Variants in BRI3 observed in about 807,000 individuals in gnomAD.
BRI3 encodes brain protein I3, also known as membrane protein BRI3.
Under a neutral mutation model 12.8 loss-of-function variants are expected in BRI3, and 6 were observed. The observed-to-expected ratio is 0.47, with a 90% CI of 0.26 to 0.93. The LOEUF (loss-of-function observed/expected upper bound fraction) is 0.93. Ranked by LOEUF, BRI3 falls within the 40% of genes least tolerant of loss-of-function variation. BRI3 has a pLI of 0.15. For missense variants in BRI3, 134 were observed against 171.1 expected, an observed-to-expected ratio of 0.78 and a Z score of 1.21; for synonymous variants, 91 against 76.1, an observed-to-expected ratio of 1.20 and a Z score of -1.02.
At chr7:98,282,057 C>G in intron 1 of BRI3, 120 bp downstream of exon 1, 1 of 1,294,096 alleles carries the variant, frequency 7.7e-7, no homozygotes. Context: ...TGGAGGTCCC[C>G]GGGCTGGCTT....
chr7:98,310,741 CAGT>C (rs927847217), downstream of BRI3: 147 of 610,006 alleles, frequency 2.4e-4, no homozygotes, highest in Non-Finnish European at 3.4e-4. Flanking sequence ...GGCTGGAGTA[CAGT>C]GGCACGATCT....
At chr7:98,317,337 T>C in the BRI3 span, 15 of 1,613,992 alleles carry the variant, frequency 9.3e-6, no homozygotes, top group Admixed American at 1.3e-4. Context: ...GTGTTCTGTT[T>C]GGTATCTTTT....
the BRI3 span, among the ~76,000 whole-genome samples, chr7:98,316,927 A>C: frequency 6.6e-6 from 1 of 151,538 alleles, no homozygotes; most frequent in Non-Finnish European, 1.5e-5. Context: ...GCAGTGGCAT[A>C]ATCTCGGCTC....
At chr7:98,309,808 A>G (rs1258802909) in exon 2 of BRI3, 1 of 153,004 alleles carries the variant, frequency 6.5e-6, no homozygotes, top group South Asian at 2.1e-4. Flanking sequence ...ACTGTGCAGA[A>G]GGACGGGGTC....
At chr7:98,303,379 TC>T (rs140030960), upstream of BRI3, among the ~76,000 whole-genome samples, 308 of 152,186 alleles carry the variant, frequency 2.0e-3, 9 homozygotes, top group East Asian at 0.054. Context: ...CCCAGCCTCC[TC>T]CCCTTCACCC....
At chr7:98,317,938 C>A in the BRI3 span, among the ~76,000 whole-genome samples, 1 of 147,792 alleles carries the variant, frequency 6.8e-6, no homozygotes, top group African/African-American at 2.4e-5. Flanking sequence ...CATCCTCACA[C>A]TGGCCGGGGC....
Position 98,281,752 on chromosome 7 carries a change from A to G in BRI3, c.-44A>G, listed in dbSNP as rs1369738282. The stretch of plus-strand genomic sequence containing the variant: ...GCCGCCGCGTCCCCCGCCGGGGCCG[A>G]CCGAGCCGAGCCGGGCCGGAGCGGC... On this transcript the variant is annotated 5_prime_UTR_variant, in exon 1 of 3. Coordinates refer to ENST00000297290, the MANE Select transcript of BRI3 (RefSeq NM_015379.5). 12 of 974,050 alleles carry G rather than the reference A, an allele frequency of 1.2e-5. No homozygotes were observed. The East Asian group carries it at 7.1e-4, about 58-fold the overall frequency. 60.3% of individuals were successfully genotyped at this position (974,050 alleles called of 1,614,324 possible).
chr7:98,291,226 G>A lies in BRI3; in HGVS notation c.361G>A (p.Gly121Arg). 1 of 1,613,356 alleles carries A rather than the reference G, an allele frequency of 6.2e-7. No individual in the cohort carries two copies. Among genetic ancestry groups the A allele is most frequent in the Non-Finnish European group, 8.5e-7 (1 of 1,180,034 alleles). The change falls in exon 3 of 3, where the codon GGA becomes AGA. Residue 121 changes from glycine to arginine, a missense_variant. Gly to Arg is a moderately radical substitution (Grantham distance 125, BLOSUM62 -2). Coordinates refer to ENST00000297290, the MANE Select transcript of BRI3 (RefSeq NM_015379.5). ...ALRKRRCPNCGATFA is the reference protein window; with the variant it reads ...ALRKRRCPNCRATFA Reference sequence around the variant, plus strand: ...GAGGAAGCGACGATGCCCCAACTGTGGAGCCACCTTCGCTTAAAGGGAACA... The same window carrying A: ...GAGGAAGCGACGATGCCCCAACTGTAGAGCCACCTTCGCTTAAAGGGAACA...
At chr7:98,300,202 T>A (rs1429883098) in intron 1 of BRI3, among the ~76,000 whole-genome samples, 1 of 152,150 alleles carries the variant, frequency 6.6e-6, no homozygotes, top group Non-Finnish European at 1.5e-5. Flanking sequence ...ACATGCTTGA[T>A]CCATGATCCC....
intron 1 of BRI3, among the ~76,000 whole-genome samples, chr7:98,301,278 C>T (rs1170069415): frequency 1.3e-5 from 2 of 152,296 alleles, no homozygotes; most frequent in East Asian, 3.9e-4. Context: ...GCCTTCTCAT[C>T]GATTTCAGTG....
At chr7:98,293,030 T>A (rs1800035336), downstream of BRI3, 1 of 970,922 alleles carries the variant, frequency 1.0e-6, no homozygotes, top group East Asian at 6.6e-5. Flanking sequence ...ATTTATATAG[T>A]ATTTTCATAA....
rs754616183 is a variant in BRI3, at chr7:98,291,495, A to G, written c.*252A>G. 15 of 1,305,972 alleles carry G rather than the reference A, an allele frequency of 1.1e-5. No homozygotes were observed. The highest frequency in any genetic ancestry group is 1.5e-5 in the Non-Finnish European group (15 of 1,023,950). The allele number at this position is 1,305,972 out of a possible 1,614,324, so 80.9% of individuals were successfully genotyped here. On this transcript the variant is annotated 3_prime_UTR_variant, in exon 3 of 3. Coordinates refer to ENST00000297290, the MANE Select transcript of BRI3 (RefSeq NM_015379.5). ...TTCAATTTGAGAAAGGTGAGAAATA[A>G]TGTTTTCAATAAATGAGATTCATAC...
exon 2 of BRI3, chr7:98,308,013 A>G: frequency 1.0e-6 from 1 of 957,996 alleles, no homozygotes; most frequent in Non-Finnish European, 1.7e-6. Context: ...TGCTCCTTCC[A>G]CGGAAACTGA....
chr7:98,291,443 A>T lies in BRI3; in HGVS notation c.*200A>T. 7.2e-7 allele frequency: 1 copy of T among 1,395,090 alleles called. No homozygotes were observed. Among genetic ancestry groups the T allele is most frequent in the Non-Finnish European group, 9.3e-7 (1 of 1,076,318 alleles). The allele number at this position is 1,395,090 out of a possible 1,614,324, so 86.4% of individuals were successfully genotyped here. ...CGCCCGAGGCTCATGACAACTCAAT[A>T]AAGCACTGCTTTTATTTTTTGCAGT... On this transcript the variant is annotated 3_prime_UTR_variant, in exon 3 of 3. Coordinates refer to ENST00000297290, the MANE Select transcript of BRI3 (RefSeq NM_015379.5).
downstream of BRI3, chr7:98,292,979 T>C (rs902568093): frequency 2.8e-5 from 33 of 1,193,898 alleles, no homozygotes; most frequent in Middle Eastern, 1.3e-3. Context: ...GGTTTCTCCA[T>C]CTCTGGAAGC....
At chr7:98,318,337 T>C in the BRI3 span, among the ~76,000 whole-genome samples, 1 of 152,064 alleles carries the variant, frequency 6.6e-6, no homozygotes, top group Admixed American at 6.6e-5. Flanking sequence ...GCCACCAAGG[T>C]GGTTGCAGCA....
At chr7:98,320,154 A>G in the BRI3 span, 1 of 1,600,594 alleles carries the variant, frequency 6.2e-7, no homozygotes, top group South Asian at 1.1e-5. Context: ...AAATAAATTC[A>G]TACCAGGTTT....
downstream of BRI3, among the ~76,000 whole-genome samples, chr7:98,313,909 C>A (rs1387551428): frequency 2.6e-5 from 4 of 151,152 alleles, no homozygotes; most frequent in African/African-American, 7.3e-5. Flanking sequence ...GGATTATAGG[C>A]ATGAGCCACT....
chr7:98,297,375 C>T (rs888933781), downstream of BRI3, among the ~76,000 whole-genome samples: 4 of 152,160 alleles, frequency 2.6e-5, no homozygotes, highest in Non-Finnish European at 4.4e-5. Flanking sequence ...CCGGGCAGCT[C>T]GGAGCACCGA....
Sources: gnomAD v4.1 joint callset for allele counts (sites outside exome capture counted in the v4.1 genomes callset) on GRCh38, gnomAD v4.1.1 for gene constraint, MANE v1.5 for transcripts, NCBI Gene and HGNC (gene_info 2026-07-23, HGNC 2026-07-21) for gene names.